DACH1: variants seen among roughly 807,000 people sequenced by gnomAD.
The protein encoded by DACH1 is dachshund family transcription factor 1.
In DACH1, 12 loss-of-function variants were observed where a neutral mutation model predicts 54.2. The ratio of observed to expected loss-of-function variants is 0.22; its 90% CI spans 0.14 to 0.36. The LOEUF (loss-of-function observed/expected upper bound fraction) is 0.36. Among genes scored for constraint, DACH1 ranks in the 10% least tolerant of loss-of-function variants. The probability of loss-of-function intolerance (pLI) is 1.00; values close to 1 mark genes in which losing one functional copy is unlikely to be tolerated. For missense variants in DACH1, 805 were observed against 929.8 expected, an observed-to-expected ratio of 0.87 and a Z score of 1.75; for synonymous variants, 386 against 366.2, an observed-to-expected ratio of 1.05 and a Z score of -0.62.
At chr13:71,457,205 T>C (rs1396100002) in intron 10 of DACH1, among the ~76,000 whole-genome samples, 1 of 152,010 alleles carries the variant, frequency 6.6e-6, no homozygotes, top group East Asian at 1.9e-4. Flanking sequence ...TGCTTTTTTG[T>C]TTATGACTCT....
At chr13:71,448,239 G>A (rs1251061957) in intron 10 of DACH1, among the ~76,000 whole-genome samples, 1 of 152,136 alleles carries the variant, frequency 6.6e-6, no homozygotes, top group African/African-American at 2.4e-5. Flanking sequence ...ACAGCAGAGG[G>A]CAAACATATC....
chr13:71,771,409 C>T (rs369355130), intron 1 of DACH1, among the ~76,000 whole-genome samples: 21 of 151,344 alleles, frequency 1.4e-4, no homozygotes, highest in African/African-American at 4.3e-4. Context: ...AGATACAAGT[C>T]GGCCACGAAA....
chr13:71,542,604 A>G (rs1292563011), intron 6 of DACH1, among the ~76,000 whole-genome samples: 2 of 152,148 alleles, frequency 1.3e-5, no homozygotes, highest in South Asian at 2.1e-4. Flanking sequence ...TGGCTTGTCT[A>G]AAACAATGAG....
At chr13:71,582,724 C>G (rs1453853386) in intron 3 of DACH1, among the ~76,000 whole-genome samples, 1 of 151,996 alleles carries the variant, frequency 6.6e-6, no homozygotes, top group African/African-American at 2.4e-5. Context: ...TATATGAAAC[C>G]AAATCATTCT....
intron 6 of DACH1, among the ~76,000 whole-genome samples, chr13:71,535,187 A>G (rs962606345): frequency 2.6e-5 from 4 of 151,902 alleles, no homozygotes; most frequent in African/African-American, 4.8e-5. Flanking sequence ...ACTGTATTAT[A>G]CAATTTATAA....
chr13:71,771,129 C>A (rs1306531400), intron 1 of DACH1, among the ~76,000 whole-genome samples: 1 of 151,074 alleles, frequency 6.6e-6, no homozygotes, highest in African/African-American at 2.4e-5. Context: ...AGTTTAAACT[C>A]CCTAGCCTAA....
At chr13:71,664,104 G>A (rs547558228) in intron 2 of DACH1, among the ~76,000 whole-genome samples, 2 of 151,860 alleles carry the variant, frequency 1.3e-5, no homozygotes, top group African/African-American at 2.4e-5. Context: ...TTTGTAGTGA[G>A]GCCAAAGGTG....
chr13:71,479,141 T>C, intron 8 of DACH1, 28 bp downstream of exon 8: 1 of 1,579,450 alleles, frequency 6.3e-7, no homozygotes, highest in Non-Finnish European at 8.6e-7. Flanking sequence ...TCTGTAAATA[T>C]TTAACTTATC....
chr13:71,710,343 C>T lies in DACH1; in HGVS notation c.849-28433G>A, dbSNP rs1201824438. Among the ~76,000 whole-genome samples, 5 of 152,110 alleles carry T rather than the reference C, an allele frequency of 3.3e-5. No homozygotes were observed. In the East Asian group the frequency reaches 5.8e-4, roughly 18 times the overall value. On this transcript the variant is annotated intron_variant, in intron 1 of 10. Transcript: ENST00000613252. ...GCCAAATTTTAAAGAAAAGGTGCCA[C>T]GCAAATTGGACCATTGAGAGGGATG...
At chr13:71,443,789 A>G (rs1874213286) in intron 10 of DACH1, among the ~76,000 whole-genome samples, 1 of 152,168 alleles carries the variant, frequency 6.6e-6, no homozygotes, top group Admixed American at 6.6e-5. Context: ...TCAGCTGTAG[A>G]CATTTTGGTA....
At chr13:71,704,659 G>T in intron 1 of DACH1, 2 of 325,334 alleles carry the variant, frequency 6.1e-6, no homozygotes, top group East Asian at 1.7e-4. Context: ...GGCTTAAAAG[G>T]TATTTAAAAA....
intron 6 of DACH1, among the ~76,000 whole-genome samples, chr13:71,522,652 C>A (rs925436985): frequency 1.3e-5 from 2 of 151,958 alleles, no homozygotes; most frequent in African/African-American, 4.8e-5. Context: ...TTTCATGGCA[C>A]AATACCATTA....
rs59097461 is a variant in DACH1 at position 71,614,628 on chromosome 13, A to T, written c.1126+15928T>A. Among the ~76,000 whole-genome samples, 820 of 152,188 alleles carry T rather than the reference A, an allele frequency of 5.4e-3. 11 individuals carry two copies. The highest frequency in any genetic ancestry group is 0.019 in the African/African-American group (778 of 41,544). On this transcript the variant is annotated intron_variant, in intron 3 of 10. Transcript: ENST00000613252. ...TAGCACTTTGGGAGGCCAAGGCAGGAGGATCACTTGAGCCCAGGGGTCCCA... is the reference window on the plus strand; with the variant it reads ...TAGCACTTTGGGAGGCCAAGGCAGGTGGATCACTTGAGCCCAGGGGTCCCA...
intron 6 of DACH1, among the ~76,000 whole-genome samples, chr13:71,518,426 G>A (rs1881323999): frequency 6.6e-6 from 1 of 151,782 alleles, no homozygotes; most frequent in Non-Finnish European, 1.5e-5. Context: ...CATCCAGGCT[G>A]TGGCATTTTG....
At chr13:71,585,281 T>G (rs1439777616) in intron 3 of DACH1, among the ~76,000 whole-genome samples, 1 of 152,100 alleles carries the variant, frequency 6.6e-6, no homozygotes, top group African/African-American at 2.4e-5. Context: ...TGTGCATGTG[T>G]GTATTTGAGC....
chr13:71,755,647 G>A (rs1041055117), intron 1 of DACH1, among the ~76,000 whole-genome samples: 2 of 152,100 alleles, frequency 1.3e-5, no homozygotes, highest in Non-Finnish European at 2.9e-5. Context: ...ACATTAAGAG[G>A]AAATGATGTA....
chr13:71,667,045 G>GT (rs1209577073), intron 2 of DACH1, among the ~76,000 whole-genome samples: 1 of 151,898 alleles, frequency 6.6e-6, no homozygotes, highest in Non-Finnish European at 1.5e-5. Flanking sequence ...TTTATGTACA[G>GT]TTTTTTTCAT....
chr13:71,607,085 T>C (rs562266579), intron 3 of DACH1, among the ~76,000 whole-genome samples: 1 of 152,096 alleles, frequency 6.6e-6, no homozygotes, highest in East Asian at 1.9e-4. Context: ...GGGATGATCA[T>C]TTCTTTCATA....
At position 71,811,788 on chromosome 13, in the gene DACH1, A is replaced by C. The variant is rs75631709; in HGVS notation, c.848+54134T>G. Among the ~76,000 whole-genome samples, 20 of 152,302 alleles carry C rather than the reference A, an allele frequency of 1.3e-4. 1 individual carries two copies. The East Asian group carries it at 3.9e-3, about 29-fold the overall frequency. On this transcript the variant is annotated intron_variant, in intron 1 of 10. Coordinates refer to ENST00000613252, the MANE Select transcript of DACH1 (RefSeq NM_080759.6). ...CCTACTTCTGTAAAGTGGGGTTAAT[A>C]ATATCTACATGTGAGGATAATGTAA...
Sources: gnomAD v4.1 joint callset for allele counts (sites outside exome capture counted in the v4.1 genomes callset) on GRCh38, gnomAD v4.1.1 for gene constraint, MANE v1.5 for transcripts, NCBI Gene and HGNC (gene_info 2026-07-23, HGNC 2026-07-21) for gene names.